The following TMEM132D variants were observed in gnomAD, a reference collection of about 807,000 sequenced individuals.
TMEM132D encodes transmembrane protein 132D, also known as mature OL transmembrane protein.
In TMEM132D, 21 loss-of-function variants were observed where a neutral mutation model predicts 62.3. The ratio of observed to expected loss-of-function variants is 0.34; its 90% CI spans 0.24 to 0.49. The LOEUF (loss-of-function observed/expected upper bound fraction) is 0.49, where lower values mean the gene tolerates loss of function less well. Ranked by LOEUF, TMEM132D falls within the 20% of genes least tolerant of loss-of-function variation. The pLI is 0.99. For synonymous variants in TMEM132D, 621 were observed against 575.6 expected (o/e 1.08, Z -1.13); for missense variants, 1,346 against 1,402.8 (o/e 0.96, Z 0.65).
chr12:129,713,098 T>C (rs1868435875), intron 1 of TMEM132D, among the ~76,000 whole-genome samples: 1 of 152,164 alleles, frequency 6.6e-6, no homozygotes, highest in African/African-American at 2.4e-5. Flanking sequence ...GAGATCTTCG[T>C]GTGTGACCTT....
At chr12:129,539,099 C>T (rs1399126035) in intron 2 of TMEM132D, among the ~76,000 whole-genome samples, 1 of 152,170 alleles carries the variant, frequency 6.6e-6, no homozygotes, top group Non-Finnish European at 1.5e-5. Flanking sequence ...GGGCAGGTGT[C>T]TCATGCAGGA....
chr12:129,728,928 A>T (rs1158096732), intron 1 of TMEM132D, among the ~76,000 whole-genome samples: 1 of 152,200 alleles, frequency 6.6e-6, no homozygotes, highest in African/African-American at 2.4e-5. Context: ...CCTGAGCTCA[A>T]TCTGGCTCCA....
intron 1 of TMEM132D, among the ~76,000 whole-genome samples, chr12:129,774,773 C>T (rs564892524): frequency 7.9e-5 from 12 of 152,224 alleles, no homozygotes; most frequent in Non-Finnish European, 1.5e-4. Flanking sequence ...AAAATGAAGA[C>T]ACCATATGGC....
intron 1 of TMEM132D, among the ~76,000 whole-genome samples, chr12:129,792,169 C>A (rs1298091068): frequency 6.6e-6 from 1 of 152,172 alleles, no homozygotes; most frequent in African/African-American, 2.4e-5. Context: ...GATGCTCTTG[C>A]CGGGGCCAGC....
intron 3 of TMEM132D, among the ~76,000 whole-genome samples, chr12:129,349,476 G>T (rs548603140): frequency 3.2e-4 from 49 of 152,290 alleles, no homozygotes; most frequent in African/African-American, 1.2e-3. Context: ...TTAAGCATTT[G>T]CATGACTCTA....
At chr12:129,414,016 T>C (rs749835434) in intron 3 of TMEM132D, among the ~76,000 whole-genome samples, 2 of 152,224 alleles carry the variant, frequency 1.3e-5, no homozygotes, top group Non-Finnish European at 2.9e-5. Flanking sequence ...GGCACTGTGG[T>C]GCTTTCTTAT....
At chr12:129,239,887 G>A (rs902042800) in intron 4 of TMEM132D, among the ~76,000 whole-genome samples, 2 of 152,136 alleles carry the variant, frequency 1.3e-5, no homozygotes, top group African/African-American at 2.4e-5. Context: ...GCCCTAGAAC[G>A]CCAATACACT....
At chr12:129,152,229 C>G (rs1386802123) in intron 5 of TMEM132D, among the ~76,000 whole-genome samples, 2 of 152,148 alleles carry the variant, frequency 1.3e-5, no homozygotes, top group African/African-American at 4.8e-5. Flanking sequence ...GCTCTATGGC[C>G]AGGCTGAAAA....
chr12:129,721,842 G>A (rs559599062), intron 1 of TMEM132D, among the ~76,000 whole-genome samples: 66 of 152,236 alleles, frequency 4.3e-4, no homozygotes, highest in African/African-American at 1.2e-3. Context: ...GCTTCCAAGC[G>A]GGCTCTCCCA....
intron 1 of TMEM132D, among the ~76,000 whole-genome samples, chr12:129,863,779 GT>G (rs1174254223): frequency 6.6e-6 from 1 of 152,036 alleles, no homozygotes; most frequent in African/African-American, 2.4e-5. Flanking sequence ...GTTTGTTTCT[GT>G]TTTTGTTTTT....
At chr12:129,127,434 C>A (rs1188390758) in intron 5 of TMEM132D, among the ~76,000 whole-genome samples, 2 of 152,122 alleles carry the variant, frequency 1.3e-5, no homozygotes, top group African/African-American at 4.8e-5. Flanking sequence ...GCAACCGCCC[C>A]TCGCTTCCGG....
chr12:129,337,693 C>T lies in TMEM132D; in HGVS notation c.1240G>A (p.Gly414Arg), dbSNP rs1435548858. 6.2e-7 allele frequency: 1 copy of T among 1,614,208 alleles called. No individual in the cohort carries two copies. Among genetic ancestry groups the T allele is most frequent in the Non-Finnish European group, 8.5e-7 (1 of 1,180,032 alleles). The stretch of plus-strand genomic sequence containing the variant: ...GGGCTCACATAGATCTTGGACACTC[C>T]CAAGTCAGACGTGATCTCTCCGGGG... Reference protein sequence around the residue: ...EYPGEITSDLGVSKIYVSPKD... With the variant: ...EYPGEITSDLRVSKIYVSPKD... Residue 414 changes from glycine to arginine, a missense_variant, in exon 4 of 9, where the codon GGA becomes AGA. Coordinates refer to ENST00000422113, the MANE Select transcript of TMEM132D (RefSeq NM_133448.3).
intron 3 of TMEM132D, among the ~76,000 whole-genome samples, chr12:129,460,430 A>G (rs1047761364): frequency 1.3e-5 from 2 of 152,158 alleles, no homozygotes; most frequent in Non-Finnish European, 2.9e-5. Flanking sequence ...ACATGAACTC[A>G]GGCTGCCGGG....
intron 2 of TMEM132D, among the ~76,000 whole-genome samples, chr12:129,557,437 G>A (rs1353445993): frequency 2.6e-5 from 4 of 152,308 alleles, no homozygotes; most frequent in African/African-American, 7.2e-5. Context: ...AGTTATGGCC[G>A]GGTGCCATGG....
chr12:129,890,246 G>A (rs1262526646), intron 1 of TMEM132D, among the ~76,000 whole-genome samples: 2 of 152,206 alleles, frequency 1.3e-5, no homozygotes, highest in African/African-American at 2.4e-5. Flanking sequence ...CTGGAACTTG[G>A]CGCAGGGCAG....
At chr12:129,101,990 T>G (rs1278716592) in intron 5 of TMEM132D, among the ~76,000 whole-genome samples, 1 of 141,796 alleles carries the variant, frequency 7.1e-6, no homozygotes, top group African/African-American at 3.1e-5. Context: ...TGCTGTTTTT[T>G]TTTTTTTTTC....
At chr12:129,831,491 G>A (rs1009872984) in intron 1 of TMEM132D, among the ~76,000 whole-genome samples, 1 of 152,220 alleles carries the variant, frequency 6.6e-6, no homozygotes, top group African/African-American at 2.4e-5. Flanking sequence ...GATCCCGGAT[G>A]GGGATTATGC....
intron 1 of TMEM132D, among the ~76,000 whole-genome samples, chr12:129,819,963 A>G (rs943796007): frequency 1.3e-5 from 2 of 152,138 alleles, no homozygotes; most frequent in South Asian, 2.1e-4. Context: ...CACCGTGGAC[A>G]TGACTGCTCT....
chr12:129,384,962 T>G (rs1248702665), intron 3 of TMEM132D, among the ~76,000 whole-genome samples: 1 of 152,128 alleles, frequency 6.6e-6, no homozygotes. Flanking sequence ...CAGAAATGTG[T>G]GTTTACTCAC....
Sources: gnomAD v4.1 joint callset for allele counts (sites outside exome capture counted in the v4.1 genomes callset) on GRCh38, gnomAD v4.1.1 for gene constraint, MANE v1.5 for transcripts, NCBI Gene and HGNC (gene_info 2026-07-23, HGNC 2026-07-21) for gene names.